The following PARD3 variants were observed in gnomAD, a reference collection of about 807,000 sequenced individuals.
PARD3 encodes the protein partitioning defective 3 homolog.
Under a neutral mutation model 155.4 loss-of-function variants are expected in PARD3, and 75 were observed. The observed-to-expected ratio is 0.48, with a 90% CI of 0.40 to 0.58. The LOEUF (loss-of-function observed/expected upper bound fraction) is 0.58, where lower values mean the gene tolerates loss of function less well. Among genes scored for constraint, PARD3 ranks in the 20% least tolerant of loss-of-function variants. PARD3 has a pLI of 0.00. For synonymous variants in PARD3, 576 were observed against 610.5 expected (o/e 0.94, Z 0.83); for missense variants, 1,642 against 1,721.7 (o/e 0.95, Z 0.82).
At chr10:34,588,483 C>A (rs1285766013) in intron 2 of PARD3, among the ~76,000 whole-genome samples, 3 of 152,134 alleles carry the variant, frequency 2.0e-5, no homozygotes, top group African/African-American at 7.2e-5. Flanking sequence ...GTTTAATCAC[C>A]CGGCGCTTCA....
At chr10:34,237,863 T>A (rs1319601819) in intron 22 of PARD3, among the ~76,000 whole-genome samples, 1 of 152,164 alleles carries the variant, frequency 6.6e-6, no homozygotes, top group Non-Finnish European at 1.5e-5. Flanking sequence ...TTCACACTGG[T>A]AAATGGTGTT....
In PARD3 at chr10:34,110,171, G is replaced by A. The variant is rs1337206984; in HGVS notation, c.*998C>T. Reference sequence around the variant, plus strand: ...TCGCCAGTCAGACATGCAGTGTGTGGATGCATTAGACAAGCATCAATTGCC... The same window carrying A: ...TCGCCAGTCAGACATGCAGTGTGTGAATGCATTAGACAAGCATCAATTGCC... On this transcript the variant is annotated 3_prime_UTR_variant, in exon 25 of 25. Coordinates refer to ENST00000374788, the MANE Select transcript of PARD3 (RefSeq NM_001184785.2). 6.6e-6 allele frequency: 1 copy of A among 152,230 alleles called. No individual in the cohort carries two copies. Among genetic ancestry groups the A allele is most frequent in the Non-Finnish European group, 1.5e-5 (1 of 68,054 alleles). 9.4% of individuals were successfully genotyped at this position (152,230 alleles called of 1,614,324 possible). A position where few individuals can be genotyped will look rare whatever the true frequency, so the allele number is the denominator to read the frequency against.
At chr10:34,385,911 A>G (rs139481612) in intron 7 of PARD3, among the ~76,000 whole-genome samples, 165 of 152,308 alleles carry the variant, frequency 1.1e-3, no homozygotes, top group African/African-American at 3.8e-3. Context: ...GAGGCAAACA[A>G]GTCTATTTCT....
At position 34,337,403 on chromosome 10, in the gene PARD3, G is replaced by A. The variant is rs757921312; in HGVS notation, c.2432C>T (p.Pro811Leu). ...ADCSLSPDVD[P>L]VLAFQREGFG... The stretch of plus-strand genomic sequence containing the variant: ...TCCTTCTCGTTGAAAAGCAAGAACT[G>A]GATCAACATCTGGACTCAAAGAGCT... Residue 811 changes from proline (P) to leucine (L), a missense_variant, in exon 17 of 25, where the codon CCA becomes CTA. This residue lies in a region of PARD3 where 1,529 missense variants were observed against 1,587.3 expected (regional missense o/e 0.96). Transcript: ENST00000374788. The A allele has an allele frequency of 4.4e-6, 7 of 1,589,988 alleles. No individual in the cohort carries two copies. The highest frequency in any genetic ancestry group is 4.1e-5 in the African/African-American group (3 of 73,348).
intron 1 of PARD3, among the ~76,000 whole-genome samples, chr10:34,812,460 G>A (rs1461498348): frequency 1.3e-5 from 2 of 152,106 alleles, no homozygotes; most frequent in African/African-American, 4.8e-5. Context: ...GAGAATAAAA[G>A]TTAAAACAGT....
chr10:34,475,000 T>C (rs1297991153), intron 3 of PARD3, among the ~76,000 whole-genome samples: 1 of 152,130 alleles, frequency 6.6e-6, no homozygotes, highest in Non-Finnish European at 1.5e-5. Context: ...GAGGAAGTAC[T>C]ACATATAAAA....
intron 2 of PARD3, among the ~76,000 whole-genome samples, chr10:34,530,697 G>C (rs565617180): frequency 6.6e-6 from 1 of 152,130 alleles, no homozygotes; most frequent in Non-Finnish European, 1.5e-5. Context: ...TGGCTTTCAC[G>C]ATATTTCTAT....
chr10:34,771,892 C>A (rs1418779744), intron 1 of PARD3, among the ~76,000 whole-genome samples: 1 of 152,168 alleles, frequency 6.6e-6, no homozygotes, highest in East Asian at 1.9e-4. Flanking sequence ...AACAGCTCGC[C>A]AGGATAAGCC....
At chr10:34,312,645 G>A (rs1003252481) in intron 20 of PARD3, among the ~76,000 whole-genome samples, 1 of 152,026 alleles carries the variant, frequency 6.6e-6, no homozygotes, top group Non-Finnish European at 1.5e-5. Context: ...CAATGCTTCG[G>A]GGACCCAGGT....
At chr10:34,281,953 A>G (rs962138315) in intron 21 of PARD3, among the ~76,000 whole-genome samples, 3 of 152,112 alleles carry the variant, frequency 2.0e-5, no homozygotes, top group Non-Finnish European at 4.4e-5. Context: ...TAAGGAGAAT[A>G]TAAGTAGTGG....
In PARD3 at chr10:34,388,475, A is replaced by T. The variant is rs1423463600; in HGVS notation, c.891-4221T>A. On this transcript the variant is annotated intron_variant, in intron 7 of 24. Transcript: ENST00000374788. ...TCCTGAAAAATGTGTGCTCGCGAGC[A>T]GATACATTTCCATAGCCCTCATTTG... Among the ~76,000 whole-genome samples the T allele has an allele frequency of 2.6e-5, 4 of 152,238 alleles. No homozygotes were observed. The East Asian group carries it at 7.7e-4, about 29-fold the overall frequency.
intron 15 of PARD3, 147 bp downstream of exon 15, chr10:34,347,818 C>T (rs889971673): frequency 7.1e-6 from 4 of 559,828 alleles, no homozygotes; most frequent in African/African-American, 5.8e-5. Context: ...TTTTAATAAA[C>T]CTGTTCTCTT....
intron 2 of PARD3, among the ~76,000 whole-genome samples, chr10:34,561,531 T>A (rs544877979): frequency 1.5e-4 from 23 of 152,184 alleles, no homozygotes; most frequent in Admixed American, 1.0e-3. Context: ...TTATTTATTT[T>A]TTTTTGAGAT....
chr10:34,531,561 G>A (rs1719506086), intron 2 of PARD3, among the ~76,000 whole-genome samples: 1 of 152,266 alleles, frequency 6.6e-6, no homozygotes, highest in Admixed American at 6.5e-5. Context: ...AGATGAAAAG[G>A]TATTTCACAA....
intron 16 of PARD3, 107 bp from the exon 17 acceptor site, chr10:34,337,533 C>T (rs1836322965): frequency 2.0e-6 from 1 of 509,046 alleles, no homozygotes; most frequent in South Asian, 7.0e-5. Context: ...TATGTATATT[C>T]CTCAAGAAAA....
chr10:34,141,536 G>A (rs1389342271), intron 22 of PARD3, among the ~76,000 whole-genome samples: 1 of 152,128 alleles, frequency 6.6e-6, no homozygotes, highest in Non-Finnish European at 1.5e-5. Flanking sequence ...TCACAGGGAG[G>A]TCATCTCTCC....
At chr10:34,393,591 C>A (rs1843041451) in intron 7 of PARD3, among the ~76,000 whole-genome samples, 1 of 151,372 alleles carries the variant, frequency 6.6e-6, no homozygotes, top group Admixed American at 6.6e-5. Context: ...AAAAAAAGAT[C>A]CAGAGAAGAA....
intron 1 of PARD3, among the ~76,000 whole-genome samples, chr10:34,795,136 A>C (rs995409971): frequency 1.3e-5 from 2 of 152,246 alleles, no homozygotes; most frequent in Non-Finnish European, 2.9e-5. Flanking sequence ...CAGTACAAGA[A>C]GTCCAACCAT....
intron 2 of PARD3, among the ~76,000 whole-genome samples, chr10:34,574,014 A>G (rs557962956): frequency 6.6e-6 from 1 of 152,252 alleles, no homozygotes; most frequent in African/African-American, 2.4e-5. Flanking sequence ...ATCTTTTGAG[A>G]GCAAATTAGC....
Sources: allele counts gnomAD v4.1 joint callset (sites outside exome capture counted in the v4.1 genomes callset), GRCh38; gene constraint gnomAD v4.1.1; regional missense constraint gnomAD v4.1.1; transcripts MANE v1.5; gene names NCBI Gene and HGNC (gene_info 2026-07-23, HGNC 2026-07-21).